The following CDH22 variants were observed in gnomAD, a reference collection of about 807,000 sequenced individuals.
The protein encoded by CDH22 is cadherin-22.
CDH22 carries 30 observed loss-of-function variants against 58.4 expected under a neutral mutation model. That is an observed-to-expected ratio of 0.51 (90% CI 0.38 to 0.70). The LOEUF (loss-of-function observed/expected upper bound fraction) is 0.70. CDH22 is among the 30% of genes least tolerant of loss of function. CDH22 has a pLI of 0.00. For missense variants in CDH22, 1,014 were observed against 1,233.9 expected, an observed-to-expected ratio of 0.82 and a Z score of 2.67; for synonymous variants, 513 against 558.2, an observed-to-expected ratio of 0.92 and a Z score of 1.14.
chr20:46,260,918 G>A (rs1313871402), intron 1 of CDH22, among the ~76,000 whole-genome samples: 1 of 152,110 alleles, frequency 6.6e-6, no homozygotes, highest in African/African-American at 2.4e-5. Flanking sequence ...TGCACAGAGC[G>A]ACCCCCAGAC....
intron 7 of CDH22, among the ~76,000 whole-genome samples, chr20:46,205,087 G>C (rs928689474): frequency 4.6e-5 from 7 of 151,986 alleles, no homozygotes; most frequent in Non-Finnish European, 8.8e-5. Flanking sequence ...TCCCAACCAA[G>C]GGATTCCTTT....
chr20:46,308,420 T>C lies in CDH22; in HGVS notation c.-565A>G, dbSNP rs897610659. 6.9e-5 allele frequency: 14 copies of C among 202,524 alleles called. No individual in the cohort carries two copies. The highest frequency in any genetic ancestry group is 1.2e-4 in the Non-Finnish European group (12 of 99,676). 12.5% of individuals were successfully genotyped at this position (202,524 alleles called of 1,614,324 possible). A position where few individuals can be genotyped will look rare whatever the true frequency, so the allele number is the denominator to read the frequency against. The stretch of plus-strand genomic sequence containing the variant: ...GGAGCCGCGGCGGCGTGTGCGCGCG[T>C]GTGTGTGAGCGAGAGAGCGAGAGAG... On this transcript the variant is annotated 5_prime_UTR_variant, in exon 1 of 12. Transcript: ENST00000537909. The surrounding 1 kb of genome is among the most constrained non-coding windows in gnomAD (Gnocchi z 4.3).
chr20:46,239,669 G>T (rs562193673), intron 3 of CDH22, among the ~76,000 whole-genome samples: 1 of 152,358 alleles, frequency 6.6e-6, no homozygotes. Context: ...GTCAGCAATG[G>T]AGCGTGGCTT....
intron 8 of CDH22, among the ~76,000 whole-genome samples, chr20:46,189,756 C>T (rs946547637): frequency 6.6e-6 from 1 of 152,144 alleles, no homozygotes; most frequent in African/African-American, 2.4e-5. Context: ...CCTAAATTGC[C>T]ATCTGCATAT....
intron 4 of CDH22, chr20:46,220,955 A>G (rs2086120030): frequency 1.3e-5 from 2 of 152,878 alleles, no homozygotes; most frequent in Non-Finnish European, 1.5e-5. Flanking sequence ...ACTCTGGCCA[A>G]TGGGACATCA....
At chr20:46,234,323 C>T (rs2086239512) in intron 3 of CDH22, among the ~76,000 whole-genome samples, 1 of 152,234 alleles carries the variant, frequency 6.6e-6, no homozygotes, top group Non-Finnish European at 1.5e-5. Context: ...AACTCAGGTT[C>T]TGGTTTCCGC....
chr20:46,269,022 C>T (rs541305895), intron 1 of CDH22, among the ~76,000 whole-genome samples: 1 of 152,338 alleles, frequency 6.6e-6, no homozygotes, highest in South Asian at 2.1e-4. Context: ...CTCTGGCAGG[C>T]CTGTTATCTC....
chr20:46,277,624 G>T (rs1032418785), intron 1 of CDH22, among the ~76,000 whole-genome samples: 1 of 152,116 alleles, frequency 6.6e-6, no homozygotes, highest in African/African-American at 2.4e-5. Context: ...AGAAGAGAGT[G>T]GGGTGGAGGA....
At chr20:46,248,168 G>A (rs1172385350) in intron 2 of CDH22, among the ~76,000 whole-genome samples, 2 of 152,196 alleles carry the variant, frequency 1.3e-5, no homozygotes, top group Non-Finnish European at 2.9e-5. Flanking sequence ...GAGCTACAGG[G>A]CCCTCCCCTG....
intron 8 of CDH22, among the ~76,000 whole-genome samples, chr20:46,197,739 AG>A (rs1846438356): frequency 6.6e-6 from 1 of 152,320 alleles, no homozygotes; most frequent in South Asian, 2.1e-4. Flanking sequence ...GTGGATTCAA[AG>A]GCTCCAGAGC....
intron 1 of CDH22, among the ~76,000 whole-genome samples, chr20:46,277,305 G>A (rs1376738606): frequency 1.3e-5 from 2 of 152,200 alleles, no homozygotes; most frequent in African/African-American, 4.8e-5. Context: ...GGCATTAGAA[G>A]ATAGTGTTGG....
rs11287075 is a variant in CDH22, at chr20:46,223,817, TCTTCCTTCCTTCCTTC to T, written c.670+3675_670+3690del. Among the ~76,000 whole-genome samples, 465 of 138,176 alleles carry T rather than the reference TCTTCCTTCCTTCCTTC, an allele frequency of 3.4e-3. 4 individuals are homozygous for T. Among genetic ancestry groups the T allele is most frequent in the African/African-American group, 9.5e-3 (342 of 36,054 alleles). 90.6% of individuals were successfully genotyped at this position (138,176 alleles called of 152,430 possible). ...TTTCTTTCTTCTTCCTTTCTTCCTTTCTTCCTTCCTTCCTTCCTTCCTTCCTTCCTTCCTTCTTTCT... is the reference window on the plus strand; with the variant it reads ...TTTCTTTCTTCTTCCTTTCTTCCTTTCTTCCTTCCTTCCTTCCTTCTTTCT... On this transcript the variant is annotated intron_variant, in intron 4 of 11. Coordinates refer to ENST00000537909, the MANE Select transcript of CDH22 (RefSeq NM_021248.3).
intron 1 of CDH22, among the ~76,000 whole-genome samples, chr20:46,254,694 C>G (rs923036772): frequency 6.6e-6 from 1 of 151,418 alleles, no homozygotes; most frequent in Non-Finnish European, 1.5e-5. Context: ...TAAAGAAGGA[C>G]GAAGTGGAGG....
chr20:46,292,916 T>TTGTGTGTG (rs74176860), intron 1 of CDH22, among the ~76,000 whole-genome samples: 1,873 of 143,902 alleles, frequency 0.013, 17 homozygotes, highest in Admixed American at 0.02. Context: ...CAGCCACTGG[T>TTGTGTGTG]TGTGTGTGTG....
At chr20:46,265,300 T>C (rs2086453989) in intron 1 of CDH22, among the ~76,000 whole-genome samples, 1 of 152,184 alleles carries the variant, frequency 6.6e-6, no homozygotes, top group Admixed American at 6.5e-5. Flanking sequence ...TCCTCCTTGC[T>C]CTTTTCCCCT....
chr20:46,183,328 G>A (rs930478793), intron 10 of CDH22, among the ~76,000 whole-genome samples: 1 of 152,202 alleles, frequency 6.6e-6, no homozygotes, highest in Non-Finnish European at 1.5e-5. Context: ...GTGTAGTAAA[G>A]TTTCCAGGGT....
At chr20:46,246,653 C>A (rs926346753) in intron 2 of CDH22, among the ~76,000 whole-genome samples, 2 of 152,056 alleles carry the variant, frequency 1.3e-5, no homozygotes, top group African/African-American at 2.4e-5. Flanking sequence ...TGGCGACAAC[C>A]GCGGGGCCCA....
At chr20:46,295,344 G>A (rs2086624556) in intron 1 of CDH22, among the ~76,000 whole-genome samples, 1 of 152,210 alleles carries the variant, frequency 6.6e-6, no homozygotes, top group Non-Finnish European at 1.5e-5. Flanking sequence ...CCTCCTGAAA[G>A]CCCATTTGCT....
chr20:46,194,689 G>A (rs371396985), intron 8 of CDH22, among the ~76,000 whole-genome samples: 6 of 152,204 alleles, frequency 3.9e-5, no homozygotes, highest in Admixed American at 6.5e-5. Context: ...TCAGCACAAT[G>A]CCTGGCATAT....
Sources: allele counts gnomAD v4.1 joint callset (sites outside exome capture counted in the v4.1 genomes callset), GRCh38; gene constraint gnomAD v4.1.1; non-coding constraint Gnocchi (gnomAD v3.1); transcripts MANE v1.5; gene names NCBI Gene and HGNC (gene_info 2026-07-23, HGNC 2026-07-21).